AUTS2: variants seen among roughly 807,000 people sequenced by gnomAD.
AUTS2 encodes activator of transcription and developmental regulator AUTS2.
AUTS2 carries 17 observed loss-of-function variants against 112.4 expected under a neutral mutation model. The observed-to-expected ratio is 0.15, with a 90% confidence interval of 0.10 to 0.23. AUTS2 has a LOEUF of 0.23. AUTS2 is among the 10% of genes least tolerant of loss of function. AUTS2 has a pLI of 1.00. For synonymous variants in AUTS2, 751 were observed against 702.7 expected (o/e 1.07, Z -1.09); for missense variants, 1,510 against 1,701.6 (o/e 0.89, Z 1.98).
At chr7:70,773,319 A>G (rs1365584588) in intron 11 of AUTS2, among the ~76,000 whole-genome samples, 2 of 152,160 alleles carry the variant, frequency 1.3e-5, no homozygotes, top group African/African-American at 2.4e-5. Context: ...CTTTCCCACT[A>G]GAAATAGTGA....
chr7:70,355,443 C>T (rs373180317), intron 4 of AUTS2, among the ~76,000 whole-genome samples: 10 of 152,034 alleles, frequency 6.6e-5, no homozygotes, highest in East Asian at 1.9e-4. Flanking sequence ...GTTCTCCTTA[C>T]GGCGACCCCC....
intron 4 of AUTS2, among the ~76,000 whole-genome samples, chr7:70,230,863 T>C (rs895158208): frequency 6.6e-6 from 1 of 152,220 alleles, no homozygotes; most frequent in Non-Finnish European, 1.5e-5. Context: ...TTTTTGACAA[T>C]ACCCTTTGTC....
intron 1 of AUTS2, among the ~76,000 whole-genome samples, chr7:69,863,830 A>G (rs1328247704): frequency 6.6e-6 from 1 of 152,138 alleles, no homozygotes; most frequent in Non-Finnish European, 1.5e-5. Context: ...GCCCAGGGAG[A>G]TACAAAGCAC....
intron 5 of AUTS2, chr7:70,596,216 A>T (rs898126253): frequency 6.6e-5 from 10 of 152,594 alleles, no homozygotes; most frequent in South Asian, 3.7e-4. Context: ...GGGCCGAGGC[A>T]TCCGCGAGCC....
At chr7:69,729,994 A>ATTTTTTTTTTTTTTTT (rs10684331) in intron 1 of AUTS2, among the ~76,000 whole-genome samples, 2 of 56,760 alleles carry the variant, frequency 3.5e-5, no homozygotes, top group African/African-American at 1.7e-4. Flanking sequence ...TGTTGTTTTA[A>ATTTTTTTTTTTTTTTT]TTTTTTTTTT....
chr7:70,415,385 A>G (rs1227270655), intron 4 of AUTS2, among the ~76,000 whole-genome samples: 5 of 152,230 alleles, frequency 3.3e-5, no homozygotes, highest in African/African-American at 1.2e-4. Flanking sequence ...GAGCTGATGG[A>G]ATACATGTGT....
chr7:69,843,113 A>G (rs1206735613), intron 1 of AUTS2, among the ~76,000 whole-genome samples: 3 of 152,146 alleles, frequency 2.0e-5, no homozygotes, highest in Non-Finnish European at 4.4e-5. Context: ...TCTGGAAGTA[A>G]GATAAAGTGA....
At chr7:70,006,251 G>A (rs1799539001) in intron 2 of AUTS2, among the ~76,000 whole-genome samples, 1 of 152,122 alleles carries the variant, frequency 6.6e-6, no homozygotes, top group Admixed American at 6.6e-5. Context: ...TTTTGCAGAG[G>A]CTCATGTGAT....
At chr7:70,625,974 G>A (rs1274398640) in intron 5 of AUTS2, among the ~76,000 whole-genome samples, 9 of 151,966 alleles carry the variant, frequency 5.9e-5, no homozygotes. Flanking sequence ...GTGCAGTGAT[G>A]CAATCTCAGC....
chr7:70,532,040 G>A (rs1199876312), intron 5 of AUTS2, among the ~76,000 whole-genome samples: 1 of 152,140 alleles, frequency 6.6e-6, no homozygotes, highest in Non-Finnish European at 1.5e-5. Context: ...TCTGGGGATG[G>A]TGCTGGGACT....
chr7:70,606,292 A>G (rs1803754615), intron 5 of AUTS2, among the ~76,000 whole-genome samples: 1 of 152,210 alleles, frequency 6.6e-6, no homozygotes, highest in South Asian at 2.1e-4. Flanking sequence ...TTTAGGACTT[A>G]GGACTGAGTC....
At chr7:70,355,837 T>C (rs1448037068) in intron 4 of AUTS2, among the ~76,000 whole-genome samples, 2 of 152,168 alleles carry the variant, frequency 1.3e-5, no homozygotes, top group African/African-American at 4.8e-5. Context: ...TGTAAAATCA[T>C]GTGCTTCTGG....
At chr7:70,340,519 G>A (rs1791216974) in intron 4 of AUTS2, among the ~76,000 whole-genome samples, 2 of 152,016 alleles carry the variant, frequency 1.3e-5, no homozygotes, top group South Asian at 4.2e-4. Flanking sequence ...CAAGTTATAA[G>A]TAATTAAGAA....
intron 5 of AUTS2, among the ~76,000 whole-genome samples, chr7:70,504,055 T>G (rs1798869891): frequency 7.4e-6 from 1 of 134,900 alleles, no homozygotes; most frequent in South Asian, 2.2e-4. Flanking sequence ...AAGTCATGAA[T>G]TGTAAGCTTG....
At chr7:69,766,839 C>A (rs1584214139) in intron 1 of AUTS2, among the ~76,000 whole-genome samples, 1 of 152,206 alleles carries the variant, frequency 6.6e-6, no homozygotes, top group East Asian at 1.9e-4. Context: ...TTAGGTTATA[C>A]CTCCAGTTGT....
chr7:69,865,532 T>G (rs1793183504), intron 1 of AUTS2, among the ~76,000 whole-genome samples: 1 of 152,182 alleles, frequency 6.6e-6, no homozygotes, highest in African/African-American at 2.4e-5. Context: ...GGACTCTTCC[T>G]TATTCCTCTT....
At chr7:69,895,654 A>G (rs1011744757) in intron 1 of AUTS2, among the ~76,000 whole-genome samples, 1 of 151,722 alleles carries the variant, frequency 6.6e-6, no homozygotes, top group African/African-American at 2.4e-5. Context: ...CATGGGGTCC[A>G]TTTGCTCTGT....
At chr7:70,678,467 A>G (rs1808040807) in intron 5 of AUTS2, among the ~76,000 whole-genome samples, 1 of 152,178 alleles carries the variant, frequency 6.6e-6, no homozygotes, top group Non-Finnish European at 1.5e-5. Flanking sequence ...CAATAATAAC[A>G]AGAATCATAA....
chr7:69,932,318 A>G (rs566772235), intron 2 of AUTS2, among the ~76,000 whole-genome samples: 2 of 152,288 alleles, frequency 1.3e-5, no homozygotes, highest in Non-Finnish European at 2.9e-5. Flanking sequence ...GTATACAAGT[A>G]TAGATTGGAT....
Sources: allele counts gnomAD v4.1 joint callset (sites outside exome capture counted in the v4.1 genomes callset), GRCh38; gene constraint gnomAD v4.1.1; transcripts MANE v1.5; gene names NCBI Gene and HGNC (gene_info 2026-07-23, HGNC 2026-07-21).